Variants in PACC1 observed in about 807,000 individuals in gnomAD.
The protein encoded by PACC1 is proton-activated chloride channel.
A neutral mutation model predicts 39.7 loss-of-function variants in PACC1; 34 were observed. That is an observed-to-expected ratio of 0.86 (90% confidence interval 0.65 to 1.14). The LOEUF (loss-of-function observed/expected upper bound fraction) is 1.14. Among genes scored for constraint, PACC1 ranks in the 50% most tolerant of loss-of-function variants. PACC1 has a pLI of 0.00. For missense variants in PACC1, 379 were observed against 436.4 expected (o/e 0.87, Z 1.17); for synonymous variants, 127 against 160.6 (o/e 0.79, Z 1.58).
chr1:212,368,636 TAGTG>T (rs1381458151), intron 7 of PACC1, among the ~76,000 whole-genome samples: 1 of 151,310 alleles, frequency 6.6e-6, no homozygotes, highest in African/African-American at 2.4e-5. Flanking sequence ...GCAGAAGAAT[TAGTG>T]AGCTTAAAGA....
chr1:212,372,738 A>T (rs1660505658), intron 7 of PACC1, among the ~76,000 whole-genome samples: 1 of 152,184 alleles, frequency 6.6e-6, no homozygotes, highest in Admixed American at 6.5e-5. Flanking sequence ...AGAATAAAAT[A>T]AAAAAGAGAG....
intron 5 of PACC1, among the ~76,000 whole-genome samples, chr1:212,378,605 T>C (rs1660755694): frequency 6.6e-6 from 1 of 152,098 alleles, no homozygotes; most frequent in Admixed American, 6.5e-5. Flanking sequence ...ATGAAGAAAA[T>C]TCTCCTGCCC....
intron 4 of PACC1, among the ~76,000 whole-genome samples, chr1:212,384,785 G>A (rs1037904041): frequency 1.3e-5 from 2 of 152,176 alleles, no homozygotes; most frequent in Non-Finnish European, 2.9e-5. Context: ...GCCAGCCCAG[G>A]GCCCAGGAGT....
intron 5 of PACC1, among the ~76,000 whole-genome samples, chr1:212,378,780 C>G (rs1406718132): frequency 1.3e-5 from 2 of 152,158 alleles, no homozygotes; most frequent in African/African-American, 4.8e-5. Flanking sequence ...CAGGTTTGAA[C>G]TGGCTGGGTC....
intron 4 of PACC1, among the ~76,000 whole-genome samples, chr1:212,380,740 T>C (rs575430213): frequency 6.6e-6 from 1 of 152,318 alleles, no homozygotes; most frequent in South Asian, 2.1e-4. Context: ...TGTCCAGTAC[T>C]GTGCCACTTT....
At chr1:212,381,346 T>C (rs568703151) in intron 4 of PACC1, among the ~76,000 whole-genome samples, 71 of 152,324 alleles carry the variant, frequency 4.7e-4, no homozygotes, top group Non-Finnish European at 7.6e-4. Flanking sequence ...ATTAATATTG[T>C]CACTTCTGGT....
rs915439288 is a variant in PACC1 at position 212,386,877 on chromosome 1, G to A, written c.343+14C>T. On this transcript the variant is annotated intron_variant, in intron 3 of 7. Coordinates refer to ENST00000261455, the MANE Select transcript of PACC1 (RefSeq NM_018252.3). This position sits in a 1 kb window ranked among gnomAD's most constrained non-coding sequence, Gnocchi z 5.0. ...ATCTGGGGCCCTGATGCCTGGCCCA[G>A]GGGCAGGCTCTACCTGGGGCATCAT... 1.2e-6 allele frequency: 2 copies of A among 1,613,734 alleles called. No homozygotes were observed. Among genetic ancestry groups the A allele is most frequent in the Non-Finnish European group, 1.7e-6 (2 of 1,179,712 alleles).
intron 2 of PACC1, among the ~76,000 whole-genome samples, chr1:212,390,109 G>A (rs1335847100): frequency 6.6e-6 from 1 of 152,058 alleles, no homozygotes; most frequent in Non-Finnish European, 1.5e-5. Flanking sequence ...CATGTAACTG[G>A]AGACAGAAAA....
At chr1:212,370,654 G>A (rs1195168085) in intron 7 of PACC1, among the ~76,000 whole-genome samples, 1 of 152,162 alleles carries the variant, frequency 6.6e-6, no homozygotes, top group African/African-American at 2.4e-5. Flanking sequence ...TTTGGAAACT[G>A]TACAAATACA....
chr1:212,399,830 C>T (rs1661651779), intron 2 of PACC1, among the ~76,000 whole-genome samples: 1 of 152,080 alleles, frequency 6.6e-6, no homozygotes, highest in African/African-American at 2.4e-5. Flanking sequence ...AGGCGTGAGC[C>T]ACTGTACCTG....
At position 212,386,851 on chromosome 1, in the gene PACC1, G is replaced by T; in HGVS notation, c.343+40C>A. The T allele has an allele frequency of 6.2e-7, 1 of 1,602,250 alleles. No individual in the cohort carries two copies. Among genetic ancestry groups the T allele is most frequent in the Non-Finnish European group, 8.5e-7 (1 of 1,169,678 alleles). ...GGAGTATCTGCCAGCTGACACCCTA[G>T]ATCTGGGGCCCTGATGCCTGGCCCA... On this transcript the variant is annotated intron_variant, in intron 3 of 7. Coordinates refer to ENST00000261455, the MANE Select transcript of PACC1 (RefSeq NM_018252.3). The surrounding 1 kb of genome is among the most constrained non-coding windows in gnomAD (Gnocchi z 5.0).
chr1:212,408,073 C>CA (rs77122055), intron 2 of PACC1, among the ~76,000 whole-genome samples: 1,545 of 67,488 alleles, frequency 0.023, 21 homozygotes, highest in African/African-American at 0.054. Flanking sequence ...GACTCCATCT[C>CA]AAAAAAAAAA....
intron 2 of PACC1, among the ~76,000 whole-genome samples, chr1:212,396,475 T>G (rs1006852888): frequency 1.3e-5 from 2 of 151,928 alleles, no homozygotes; most frequent in Non-Finnish European, 2.9e-5. Flanking sequence ...TTAGGAGATA[T>G]ACCTAATGTA....
intron 2 of PACC1, among the ~76,000 whole-genome samples, chr1:212,401,163 A>G (rs1472511490): frequency 1.3e-5 from 2 of 152,188 alleles, no homozygotes; most frequent in Non-Finnish European, 2.9e-5. Flanking sequence ...CACCACCACT[A>G]TCTACAGAAA....
At chr1:212,366,891 G>A (rs1429361016) in intron 7 of PACC1, among the ~76,000 whole-genome samples, 4 of 152,196 alleles carry the variant, frequency 2.6e-5, no homozygotes, top group Non-Finnish European at 5.9e-5. Flanking sequence ...CCGTATCACA[G>A]AATCCCCACC....
intron 7 of PACC1, among the ~76,000 whole-genome samples, chr1:212,367,849 G>C (rs529703962): frequency 5.7e-4 from 86 of 152,202 alleles, no homozygotes; most frequent in African/African-American, 2.0e-3. Flanking sequence ...TGGCCAAAAG[G>C]CAATCGGCCA....
In PACC1 at chr1:212,412,412, G is replaced by A. The variant is rs373019072; in HGVS notation, c.37-1891C>T. ...TGAGCCTGCCTCCTTGCCTGCCCCTGGCCAAATTCTCAGTATATCCCACCC... is the reference window on the plus strand; with the variant it reads ...TGAGCCTGCCTCCTTGCCTGCCCCTAGCCAAATTCTCAGTATATCCCACCC... On this transcript the variant is annotated intron_variant, in intron 1 of 7. Coordinates refer to ENST00000261455, the MANE Select transcript of PACC1 (RefSeq NM_018252.3). Among the ~76,000 whole-genome samples, 7 of 152,198 alleles carry A rather than the reference G, an allele frequency of 4.6e-5. No homozygotes were observed. In the South Asian group the frequency reaches 8.3e-4, roughly 18 times the overall value.
intron 1 of PACC1, among the ~76,000 whole-genome samples, chr1:212,412,717 A>C (rs1255978498): frequency 6.6e-6 from 1 of 152,188 alleles, no homozygotes; most frequent in East Asian, 1.9e-4. Context: ...ACATTTTATA[A>C]GCCCTGCTAG....
Position 212,386,865 on chromosome 1 carries a change from A to G in PACC1, c.343+26T>C, listed in dbSNP as rs777297889. 6.2e-7 allele frequency: 1 copy of G among 1,611,186 alleles called. No individual in the cohort carries two copies. The highest frequency in any genetic ancestry group is 1.1e-5 in the South Asian group (1 of 90,952). ...CTGACACCCTAGATCTGGGGCCCTGATGCCTGGCCCAGGGGCAGGCTCTAC... is the reference window on the plus strand; with the variant it reads ...CTGACACCCTAGATCTGGGGCCCTGGTGCCTGGCCCAGGGGCAGGCTCTAC... On this transcript the variant is annotated intron_variant, in intron 3 of 7. Transcript: ENST00000261455. This position sits in a 1 kb window ranked among gnomAD's most constrained non-coding sequence, Gnocchi z 5.0.
Sources: gnomAD v4.1 joint callset for allele counts (sites outside exome capture counted in the v4.1 genomes callset) on GRCh38, gnomAD v4.1.1 for gene constraint, Gnocchi (gnomAD v3.1) non-coding constraint, MANE v1.5 for transcripts, NCBI Gene and HGNC (gene_info 2026-07-23, HGNC 2026-07-21) for gene names.